GAK: variants seen among roughly 807,000 people sequenced by gnomAD.
GAK encodes the protein cyclin G associated kinase.
In GAK, 79 loss-of-function variants were observed where a neutral mutation model predicts 143.9. That is an observed-to-expected ratio of 0.55 (90% CI 0.46 to 0.66). GAK has a LOEUF of 0.66. Among genes scored for constraint, GAK ranks in the 30% least tolerant of loss-of-function variants. The pLI is 0.00. For missense variants in GAK, 1,693 were observed against 1,779.7 expected (o/e 0.95, Z 0.88); for synonymous variants, 881 against 765.5 (o/e 1.15, Z -2.49).
rs1015224386 is a variant in GAK, at chr4:877,517, G to A, written c.1856+98C>T. 7 of 1,289,068 alleles carry A rather than the reference G, an allele frequency of 5.4e-6. No homozygotes were observed. The African/African-American group carries it at 5.9e-5, about 11-fold the overall frequency. 79.9% of individuals were successfully genotyped at this position (1,289,068 alleles called of 1,614,324 possible). A position where few individuals can be genotyped will look rare whatever the true frequency, so the allele number is the denominator to read the frequency against. ...CACAGTTCCAAACACGTCCGCCTCA[G>A]CAAGCGCCTGTCCCCGGCAAGGCCA... On this transcript the variant is annotated intron_variant, in intron 16 of 27. Transcript: ENST00000314167.
rs745483108 is a variant in GAK, at chr4:876,601, G to A, written c.1983C>T (p.Ser661=). The A allele has an allele frequency of 3.1e-5, 50 of 1,614,060 alleles. No homozygotes were observed. The highest frequency in any genetic ancestry group is 4.1e-5 in the Non-Finnish European group (48 of 1,179,934). Residue 661 remains serine, a synonymous_variant, in exon 18 of 28, where the codon TCC becomes TCT. Coordinates refer to ENST00000314167, the MANE Select transcript of GAK (RefSeq NM_005255.4). ...LGGRLQAKMA[S]MKMFQIQFHT... Reference sequence around the variant, plus strand: ...GGAACTGAATCTGGAACATCTTCATGGATGCCATCTGCAAAGAGAGCAAAC... The same window carrying A: ...GGAACTGAATCTGGAACATCTTCATAGATGCCATCTGCAAAGAGAGCAAAC...
intron 1 of GAK, among the ~76,000 whole-genome samples, chr4:920,566 C>T (rs13118494): frequency 0.63 from 81,219 of 129,748 alleles, 23,780 homozygotes; most frequent in Middle Eastern, 0.75. Context: ...TTTTTTGAGA[C>T]GGAGTCTTGG....
intron 7 of GAK, among the ~76,000 whole-genome samples, chr4:895,015 A>AACT (rs1553885660): frequency 9.6e-6 from 1 of 103,858 alleles, no homozygotes; most frequent in Non-Finnish European, 2.2e-5. Context: ...ATAAATAAAT[A>AACT]AAGGTTCCTT....
At chr4:850,865 G>A (rs1748014489) in intron 26 of GAK, 71 bp downstream of exon 26, 1 of 1,527,926 alleles carries the variant, frequency 6.5e-7, no homozygotes, top group African/African-American at 1.4e-5. Context: ...GCTCCATAAG[G>A]CACAGCAGAT....
chr4:927,936 A>G (rs994165284), intron 1 of GAK, among the ~76,000 whole-genome samples: 3 of 152,200 alleles, frequency 2.0e-5, no homozygotes, highest in African/African-American at 2.4e-5. Flanking sequence ...AGAGCTGCAG[A>G]GGCTGGTGCC....
At chr4:914,478 A>G (rs552446646) in intron 1 of GAK, among the ~76,000 whole-genome samples, 3 of 75,876 alleles carry the variant, frequency 4.0e-5, no homozygotes, top group African/African-American at 1.7e-4. Context: ...ACGGCCCCAC[A>G]CACACACAGC....
chr4:913,522 AG>A, intron 2 of GAK, 84 bp downstream of exon 2: 2 of 1,030,408 alleles, frequency 1.9e-6, no homozygotes, highest in South Asian at 2.6e-5. Context: ...AGTACGTAAC[AG>A]GGACGCATCC....
Position 858,180 on chromosome 4 carries a change from G to A in GAK, c.3283+1426C>T, listed in dbSNP as rs73062398. Among the ~76,000 whole-genome samples, 395 of 152,324 alleles carry A rather than the reference G, an allele frequency of 2.6e-3. 3 individuals are homozygous for A. Among genetic ancestry groups the A allele is most frequent in the African/African-American group, 9.2e-3 (383 of 41,578 alleles). On this transcript the variant is annotated intron_variant, in intron 24 of 27. Transcript: ENST00000314167. The stretch of plus-strand genomic sequence containing the variant: ...CAGCTGGTGGGCCCTGCTGGCTGGC[G>A]CCTCTGCCCTTCTACATCCTTGCAG...
rs1719148321 is a variant in GAK at position 898,070 on chromosome 4, C to T, written c.614G>A (p.Ser205Asn). Residue 205 changes from serine (S) to asparagine (N), a missense_variant, in exon 6 of 28, where the codon AGC becomes AAC. Transcript: ENST00000314167. The stretch of plus-strand genomic sequence containing the variant: ...CAGGGCTCGCCTCTGGGCGCTCCAG[C>T]TGTAGTCAGGGTAGTGCGAGATGGT... ...ATTISHYPDY[S>N]WSAQRRALVE... 2 of 1,613,976 alleles carry T rather than the reference C, an allele frequency of 1.2e-6. No homozygotes were observed. Among genetic ancestry groups the T allele is most frequent in the Non-Finnish European group, 1.7e-6 (2 of 1,179,998 alleles).
chr4:893,361 C>A lies in GAK; in HGVS notation c.990+16G>T, dbSNP rs964090976. The A allele has an allele frequency of 6.6e-7, 1 of 1,515,342 alleles. No homozygotes were observed. Among genetic ancestry groups the A allele is most frequent in the South Asian group, 1.3e-5 (1 of 79,076 alleles). The allele number at this position is 1,515,342 out of a possible 1,614,324, so 93.9% of individuals were successfully genotyped here. A position where few individuals can be genotyped will look rare whatever the true frequency, so the allele number is the denominator to read the frequency against. On this transcript the variant is annotated intron_variant, in intron 9 of 27. Transcript: ENST00000314167. ...ACCACTGCGGGGGATTTGGGGCTCACGTGTGCCTCCCTCACCTCTGTGATG... is the reference window on the plus strand; with the variant it reads ...ACCACTGCGGGGGATTTGGGGCTCAAGTGTGCCTCCCTCACCTCTGTGATG...
chr4:851,591 C>T, intron 25 of GAK, 159 bp downstream of exon 25: 1 of 695,130 alleles, frequency 1.4e-6, no homozygotes, highest in South Asian at 1.8e-5. Context: ...AGAGAGAGAC[C>T]AGTGAACACA....
intron 1 of GAK, among the ~76,000 whole-genome samples, chr4:919,583 C>A (rs1340412852): frequency 6.6e-6 from 1 of 152,254 alleles, no homozygotes; most frequent in African/African-American, 2.4e-5. Flanking sequence ...GGAAGGGGCC[C>A]CTGACCCTGG....
intron 6 of GAK, among the ~76,000 whole-genome samples, chr4:897,328 G>T (rs574525128): frequency 2.6e-5 from 4 of 152,170 alleles, no homozygotes; most frequent in Non-Finnish European, 5.9e-5. Context: ...AGGATAAAGC[G>T]CCCTCCACTC....
At chr4:873,072 G>C (rs1713055137) in intron 18 of GAK, among the ~76,000 whole-genome samples, 1 of 152,138 alleles carries the variant, frequency 6.6e-6, no homozygotes, top group South Asian at 2.1e-4. Context: ...GCGCAGCCTT[G>C]ATCTCGCAGG....
At chr4:892,236 A>G (rs1459973075) in intron 9 of GAK, among the ~76,000 whole-genome samples, 2 of 152,162 alleles carry the variant, frequency 1.3e-5, no homozygotes, top group Non-Finnish European at 2.9e-5. Context: ...TCCGGCTTCC[A>G]GCTACCAGGG....
chr4:914,799 C>T (rs1324252066), intron 1 of GAK, among the ~76,000 whole-genome samples: 3 of 132,456 alleles, frequency 2.3e-5, no homozygotes, highest in Non-Finnish European at 3.2e-5. Flanking sequence ...CCAGTGTGCA[C>T]GGCCCCATAC....
chr4:870,143 C>T (rs1304118170), intron 19 of GAK, among the ~76,000 whole-genome samples: 1 of 152,176 alleles, frequency 6.6e-6, no homozygotes, highest in Non-Finnish European at 1.5e-5. Flanking sequence ...ACAGCACGCA[C>T]AGGTCACACA....
intron 1 of GAK, among the ~76,000 whole-genome samples, chr4:930,174 TTAAG>T (rs1187825745): frequency 2.0e-5 from 3 of 152,176 alleles, no homozygotes; most frequent in Non-Finnish European, 2.9e-5. Flanking sequence ...CAAAACTTAA[TTAAG>T]TATGTTTATA....
At chr4:906,083 A>G (rs1374473360) in intron 4 of GAK, among the ~76,000 whole-genome samples, 1 of 152,224 alleles carries the variant, frequency 6.6e-6, no homozygotes, top group African/African-American at 2.4e-5. Flanking sequence ...CCAGCAGTTG[A>G]GCTGGCGTGC....
Sources: gnomAD v4.1 joint callset for allele counts (sites outside exome capture counted in the v4.1 genomes callset) on GRCh38, gnomAD v4.1.1 for gene constraint, MANE v1.5 for transcripts, NCBI Gene and HGNC (gene_info 2026-07-23, HGNC 2026-07-21) for gene names.